The following SPOCK1 variants were observed in gnomAD, a reference collection of about 807,000 sequenced individuals.
SPOCK1 encodes the protein testican-1.
Under a neutral mutation model 55.3 loss-of-function variants are expected in SPOCK1, and 23 were observed. That is an observed-to-expected ratio of 0.42 (90% CI 0.30 to 0.59). The LOEUF (loss-of-function observed/expected upper bound fraction) is 0.59, where lower values mean the gene tolerates loss of function less well. Among genes scored for constraint, SPOCK1 ranks in the 20% least tolerant of loss-of-function variants. The pLI, the probability that SPOCK1 is intolerant of heterozygous loss-of-function variation, is 0.22. For missense variants in SPOCK1, 499 were observed against 552.5 expected (o/e 0.90, Z 0.97); for synonymous variants, 226 against 221.0 (o/e 1.02, Z -0.20).
At chr5:137,392,031 T>C (rs1186822077) in intron 2 of SPOCK1, among the ~76,000 whole-genome samples, 2 of 152,122 alleles carry the variant, frequency 1.3e-5, no homozygotes, top group African/African-American at 4.8e-5. Flanking sequence ...TCTTCTCAGT[T>C]TTCTTCCTTG....
At chr5:137,224,403 C>T (rs1755911100) in intron 3 of SPOCK1, among the ~76,000 whole-genome samples, 1 of 152,218 alleles carries the variant, frequency 6.6e-6, no homozygotes, top group African/African-American at 2.4e-5. Context: ...AAGTGACATG[C>T]TTTCAAGGTA....
At chr5:137,202,549 G>T (rs1206897185) in intron 3 of SPOCK1, among the ~76,000 whole-genome samples, 1 of 152,186 alleles carries the variant, frequency 6.6e-6, no homozygotes, top group Non-Finnish European at 1.5e-5. Flanking sequence ...GGTGTTCCCA[G>T]CATGTATAAA....
chr5:137,066,681 T>C (rs1047452730), intron 6 of SPOCK1, among the ~76,000 whole-genome samples: 20 of 152,198 alleles, frequency 1.3e-4, no homozygotes, highest in African/African-American at 4.8e-4. Flanking sequence ...CTAACTGCAA[T>C]GAGATTAGCT....
intron 3 of SPOCK1, among the ~76,000 whole-genome samples, chr5:137,158,963 G>C (rs990970582): frequency 3.3e-5 from 5 of 152,192 alleles, no homozygotes; most frequent in Non-Finnish European, 5.9e-5. Context: ...GTAACAGGAA[G>C]AGACTGACAT....
chr5:137,315,378 T>C (rs1757860817), intron 2 of SPOCK1, among the ~76,000 whole-genome samples: 1 of 152,190 alleles, frequency 6.6e-6, no homozygotes, highest in Non-Finnish European at 1.5e-5. Context: ...TGGCGATGGA[T>C]AGAGAATACA....
At chr5:137,100,358 G>A (rs1753238635) in intron 5 of SPOCK1, among the ~76,000 whole-genome samples, 1 of 152,200 alleles carries the variant, frequency 6.6e-6, no homozygotes, top group Admixed American at 6.5e-5. Context: ...GTGCCAGGGA[G>A]TTGGGTTGTG....
chr5:137,072,463 C>T (rs991540115), intron 5 of SPOCK1, among the ~76,000 whole-genome samples: 2 of 152,138 alleles, frequency 1.3e-5, no homozygotes, highest in African/African-American at 4.8e-5. Context: ...GAGCCAATGA[C>T]GACATGAACA....
At chr5:137,001,618 A>T (rs1477003731) in intron 6 of SPOCK1, among the ~76,000 whole-genome samples, 2 of 152,194 alleles carry the variant, frequency 1.3e-5, no homozygotes, top group African/African-American at 4.8e-5. Flanking sequence ...CAGCTCTCAC[A>T]ACCCTCAGTG....
chr5:137,128,417 G>A (rs1753816584), intron 4 of SPOCK1, among the ~76,000 whole-genome samples: 1 of 152,220 alleles, frequency 6.6e-6, no homozygotes, highest in African/African-American at 2.4e-5. Context: ...GATTAGCAAG[G>A]ATTGTTCCCC....
intron 2 of SPOCK1, among the ~76,000 whole-genome samples, chr5:137,397,182 A>G (rs1751868642): frequency 6.6e-6 from 1 of 152,206 alleles, no homozygotes; most frequent in African/African-American, 2.4e-5. Context: ...GAACTCATCC[A>G]GAAGTGGGAT....
chr5:137,252,266 T>C (rs1756547697), intron 3 of SPOCK1, among the ~76,000 whole-genome samples: 2 of 152,174 alleles, frequency 1.3e-5, no homozygotes, highest in Admixed American at 6.5e-5. Flanking sequence ...TCTCCCCCCA[T>C]GCTATCTGGA....
intron 6 of SPOCK1, among the ~76,000 whole-genome samples, chr5:137,016,138 A>G (rs1186396158): frequency 1.3e-5 from 2 of 152,220 alleles, no homozygotes; most frequent in African/African-American, 2.4e-5. Context: ...GCCGCTTTTC[A>G]TCGCAAAATC....
chr5:137,352,896 G>A (rs17171370), intron 2 of SPOCK1, among the ~76,000 whole-genome samples: 9,657 of 152,170 alleles, frequency 0.063, 632 homozygotes, highest in African/African-American at 0.16. Context: ...GCAGTGACCC[G>A]TCTCCATATT....
chr5:137,423,464 T>C (rs1752544425), intron 2 of SPOCK1, among the ~76,000 whole-genome samples: 1 of 152,240 alleles, frequency 6.6e-6, no homozygotes, highest in South Asian at 2.1e-4. Context: ...TTTGTTTACC[T>C]ACTCAAGCCT....
chr5:137,427,189 C>T (rs1383304767), intron 2 of SPOCK1, among the ~76,000 whole-genome samples: 2 of 152,174 alleles, frequency 1.3e-5, no homozygotes, highest in African/African-American at 4.8e-5. Context: ...TGCCAAGAAG[C>T]AGAACCCTCC....
At chr5:137,055,336 C>G (rs1388453360) in intron 6 of SPOCK1, among the ~76,000 whole-genome samples, 2 of 152,208 alleles carry the variant, frequency 1.3e-5, no homozygotes, top group African/African-American at 4.8e-5. Context: ...TCATTACCAA[C>G]AGACCCAGTC....
chr5:137,494,475 A>T (rs1273320844), intron 2 of SPOCK1, among the ~76,000 whole-genome samples: 1 of 152,214 alleles, frequency 6.6e-6, no homozygotes, highest in Non-Finnish European at 1.5e-5. Flanking sequence ...TCCCAGGGTT[A>T]AGTACTTCTC....
chr5:137,050,852 A>T (rs1458860901), intron 6 of SPOCK1, among the ~76,000 whole-genome samples: 7 of 152,180 alleles, frequency 4.6e-5, no homozygotes, highest in African/African-American at 1.2e-4. Context: ...AATCTCAAAC[A>T]TTGACTCTCT....
chr5:137,353,673 C>T (rs1189692221), intron 2 of SPOCK1, among the ~76,000 whole-genome samples: 2 of 152,180 alleles, frequency 1.3e-5, no homozygotes, highest in Non-Finnish European at 1.5e-5. Context: ...ACTAACTTTA[C>T]ACTCTGACCA....
Sources: gnomAD v4.1 joint callset for allele counts (sites outside exome capture counted in the v4.1 genomes callset) on GRCh38, gnomAD v4.1.1 for gene constraint, MANE v1.5 for transcripts, NCBI Gene and HGNC (gene_info 2026-07-23, HGNC 2026-07-21) for gene names.